The following SLC25A21 variants were observed in gnomAD, a reference collection of about 807,000 sequenced individuals.
SLC25A21 encodes the protein solute carrier family 25 member 21.
SLC25A21 carries 47 observed loss-of-function variants against 43.8 expected under a neutral mutation model. The ratio of observed to expected loss-of-function variants is 1.07; its 90% CI spans 0.85 to 1.37. The LOEUF (loss-of-function observed/expected upper bound fraction) is 1.37. Ranked by LOEUF, SLC25A21 falls within the 40% of genes most tolerant of loss-of-function variation. The probability of loss-of-function intolerance (pLI) is 0.00; values close to 1 mark genes in which losing one functional copy is unlikely to be tolerated. For missense variants in SLC25A21, 352 were observed against 350.2 expected (o/e 1.00, Z -0.04); for synonymous variants, 131 against 121.3 (o/e 1.08, Z -0.52).
At chr14:36,849,899 A>C (rs1429118419) in intron 2 of SLC25A21, among the ~76,000 whole-genome samples, 1 of 152,160 alleles carries the variant, frequency 6.6e-6, no homozygotes, top group Admixed American at 6.5e-5. Flanking sequence ...ACTGTTAATT[A>C]ATTAATTAAT....
chr14:36,735,185 T>C (rs1295347888), intron 3 of SLC25A21, among the ~76,000 whole-genome samples: 1 of 152,192 alleles, frequency 6.6e-6, no homozygotes, highest in Non-Finnish European at 1.5e-5. Context: ...TCAGACTCCC[T>C]TGCTGATATG....
In SLC25A21 at chr14:36,679,477, G is replaced by A; in HGVS notation, c.*1181C>T. 1.0e-6 allele frequency: 1 copy of A among 985,368 alleles called. No individual in the cohort carries two copies. Among genetic ancestry groups the A allele is most frequent in the Non-Finnish European group, 1.2e-6 (1 of 829,914 alleles). The allele number at this position is 985,368 out of a possible 1,614,324, so 61.0% of individuals were successfully genotyped here. A position where few individuals can be genotyped will look rare whatever the true frequency, so the allele number is the denominator to read the frequency against. On this transcript the variant is annotated 3_prime_UTR_variant, in exon 10 of 10. Transcript: ENST00000331299. ...GTCATATGGACTTTCAGTTATTCTT[G>A]TTGACTTTACTGAATCAGCATCATC... is the stretch of plus-strand genomic sequence containing the variant.
At chr14:36,939,421 AT>A (rs1163197128) in intron 1 of SLC25A21, among the ~76,000 whole-genome samples, 1 of 151,746 alleles carries the variant, frequency 6.6e-6, no homozygotes, top group African/African-American at 2.4e-5. Context: ...TTAAGACAGC[AT>A]TTTTTTTGTT....
intron 1 of SLC25A21, among the ~76,000 whole-genome samples, chr14:37,105,551 C>A (rs1036596461): frequency 6.6e-6 from 1 of 152,006 alleles, no homozygotes; most frequent in African/African-American, 2.4e-5. Flanking sequence ...TTAGAATATG[C>A]TTTTTAATTT....
chr14:36,836,002 A>G (rs10139981), intron 2 of SLC25A21, among the ~76,000 whole-genome samples: 12,875 of 152,274 alleles, frequency 0.085, 793 homozygotes, highest in East Asian at 0.3. Context: ...CGCTGAGTGA[A>G]CAGTCAGCTA....
At chr14:36,795,860 C>A (rs973595322) in intron 3 of SLC25A21, among the ~76,000 whole-genome samples, 2 of 152,162 alleles carry the variant, frequency 1.3e-5, no homozygotes. Flanking sequence ...AAGTAACAGG[C>A]AGCTCATGCA....
intron 1 of SLC25A21, among the ~76,000 whole-genome samples, chr14:36,879,783 C>A (rs1890657128): frequency 6.6e-6 from 1 of 151,682 alleles, no homozygotes; most frequent in Admixed American, 6.6e-5. Flanking sequence ...ACCACCCCCA[C>A]CTTCCTCTGA....
chr14:37,028,906 T>C (rs1297501951), intron 1 of SLC25A21, among the ~76,000 whole-genome samples: 1 of 152,194 alleles, frequency 6.6e-6, no homozygotes, highest in Non-Finnish European at 1.5e-5. Context: ...TAACATGACA[T>C]ATTTACCTTT....
intron 2 of SLC25A21, among the ~76,000 whole-genome samples, chr14:36,828,184 A>T (rs1382431305): frequency 1.2e-5 from 1 of 84,478 alleles, no homozygotes; most frequent in Non-Finnish European, 2.5e-5. Flanking sequence ...TGCAGATGGG[A>T]TCAACTGTCC....
At chr14:36,702,375 A>G (rs11849498) in intron 7 of SLC25A21, among the ~76,000 whole-genome samples, 23,969 of 148,808 alleles carry the variant, frequency 0.16, 2,639 homozygotes, top group East Asian at 0.31. Flanking sequence ...TCGGTGGCTC[A>G]TCCCTGTAAT....
chr14:37,018,908 A>C (rs189546118), intron 1 of SLC25A21, among the ~76,000 whole-genome samples: 1 of 152,120 alleles, frequency 6.6e-6, no homozygotes, highest in Admixed American at 6.6e-5. Context: ...TTTCAAAAAA[A>C]TGGTTTAAAA....
intron 1 of SLC25A21, among the ~76,000 whole-genome samples, chr14:36,928,896 G>A (rs555657536): frequency 7.2e-5 from 11 of 152,200 alleles, no homozygotes; most frequent in African/African-American, 2.6e-4. Context: ...TACTTAAAGG[G>A]AATTGAAGAA....
intron 1 of SLC25A21, among the ~76,000 whole-genome samples, chr14:36,899,282 AT>A (rs1300529232): frequency 6.6e-6 from 1 of 152,204 alleles, no homozygotes; most frequent in Non-Finnish European, 1.5e-5. Context: ...AGAAAAAAAA[AT>A]GTTTAAGTAG....
chr14:36,862,200 G>A (rs1356823462), intron 2 of SLC25A21, among the ~76,000 whole-genome samples: 2 of 152,162 alleles, frequency 1.3e-5, no homozygotes, highest in Middle Eastern at 3.2e-3. Context: ...AGACAGTGTG[G>A]CAATTCCTCA....
chr14:37,109,279 T>C (rs891905290), intron 1 of SLC25A21, among the ~76,000 whole-genome samples: 7 of 152,116 alleles, frequency 4.6e-5, no homozygotes, highest in African/African-American at 1.7e-4. Context: ...TTTGGAAAGT[T>C]GCGTGAAGGG....
chr14:37,132,990 A>G (rs932616629), intron 1 of SLC25A21, among the ~76,000 whole-genome samples: 4 of 152,116 alleles, frequency 2.6e-5, no homozygotes, highest in East Asian at 1.9e-4. Flanking sequence ...TCAGCCTCCC[A>G]AAGAGTTGGG....
intron 1 of SLC25A21, among the ~76,000 whole-genome samples, chr14:37,119,978 T>C (rs1022621682): frequency 7.2e-5 from 11 of 152,106 alleles, no homozygotes; most frequent in Non-Finnish European, 1.6e-4. Context: ...GTTCAGACTT[T>C]AGAAATAGAA....
intron 1 of SLC25A21, among the ~76,000 whole-genome samples, chr14:37,148,450 T>C (rs1378427298): frequency 6.6e-6 from 1 of 152,184 alleles, no homozygotes; most frequent in Non-Finnish European, 1.5e-5. Context: ...TTTGTCTTCA[T>C]TGTTGCTCTG....
intron 3 of SLC25A21, among the ~76,000 whole-genome samples, chr14:36,764,192 G>GAAAAAGAAAGAA (rs141041432): frequency 1.3e-4 from 7 of 55,280 alleles, no homozygotes; most frequent in African/African-American, 5.2e-4. Context: ...AAGAAAGAAA[G>GAAAAAGAAAGAA]AGAAAGAAAG....
Sources: gnomAD v4.1 joint callset for allele counts (sites outside exome capture counted in the v4.1 genomes callset) on GRCh38, gnomAD v4.1.1 for gene constraint, MANE v1.5 for transcripts, NCBI Gene and HGNC (gene_info 2026-07-23, HGNC 2026-07-21) for gene names.